GRID1: variants seen among roughly 807,000 people sequenced by gnomAD.
GRID1 encodes glutamate ionotropic receptor delta type subunit 1.
A neutral mutation model predicts 98.0 loss-of-function variants in GRID1; 28 were observed. The observed-to-expected ratio is 0.29, with a 90% CI of 0.21 to 0.39. The LOEUF (loss-of-function observed/expected upper bound fraction) is 0.39. GRID1 is among the 10% of genes least tolerant of loss of function. GRID1 has a pLI of 1.00. For missense variants in GRID1, 1,111 were observed against 1,340.5 expected (o/e 0.83, Z 2.67); for synonymous variants, 553 against 538.5 (o/e 1.03, Z -0.37).
intron 4 of GRID1, among the ~76,000 whole-genome samples, chr10:86,034,649 C>T (rs766556293): frequency 1.3e-5 from 2 of 151,712 alleles, no homozygotes; most frequent in Non-Finnish European, 2.9e-5. Context: ...CCCTGGGCTC[C>T]CCTGGCATCT....
In GRID1 at chr10:85,602,314, G is replaced by A. The variant is rs1842590266; in HGVS notation, c.2989C>T (p.Leu997Phe). The A allele has an allele frequency of 6.5e-7, 1 of 1,546,592 alleles. No individual in the cohort carries two copies. The highest frequency in any genetic ancestry group is 1.4e-5 in the African/African-American group (1 of 73,088). Residue 997 changes from leucine to phenylalanine, a missense_variant, in exon 16 of 16, where the codon CTT becomes TTT. By Grantham distance (22) the Leu-to-Phe change is conservative (BLOSUM62 0). Around this residue, in one of 3 missense-constraint regions of GRID1, gnomAD observed 762 missense variants for 869.1 expected, o/e 0.88. Transcript: ENST00000327946. Reference protein sequence around the residue: ...MSFQPVPGGVLPEALDTSHGT... With the variant: ...MSFQPVPGGVFPEALDTSHGT... ...TGGGAGGTGTCCAGAGCCTCTGGAA[G>A]GACGCCTCCAGGCACGGGCTGGAAG...
chr10:86,041,730 A>T (rs1277658503), intron 4 of GRID1, among the ~76,000 whole-genome samples: 1 of 152,230 alleles, frequency 6.6e-6, no homozygotes, highest in Non-Finnish European at 1.5e-5. Context: ...GTGAGACAGA[A>T]CACTAACATC....
intron 8 of GRID1, among the ~76,000 whole-genome samples, chr10:85,830,366 C>T (rs1842857065): frequency 6.6e-6 from 1 of 151,948 alleles, no homozygotes; most frequent in African/African-American, 2.4e-5. Context: ...TGGAAAACAA[C>T]CTAGGAAATA....
intron 3 of GRID1, among the ~76,000 whole-genome samples, chr10:86,173,451 A>AT (rs536427725): frequency 1.3e-5 from 2 of 151,678 alleles, no homozygotes; most frequent in Middle Eastern, 3.4e-3. Flanking sequence ...GGTCACACAC[A>AT]TTTTTTTTTA....
Position 85,724,539 on chromosome 10 carries a change from G to T in GRID1, c.1671C>A (p.Leu557=), listed in dbSNP as rs747594932. ...KPEEKISIFS[L]FAPFDFAVWA... ...ACACAGCGAAATCAAATGGAGCAAAGAGGGAGAAGATGCTGATTTTCTCCT... is the reference window on the plus strand; with the variant it reads ...ACACAGCGAAATCAAATGGAGCAAATAGGGAGAAGATGCTGATTTTCTCCT... Residue 557 remains leucine (L), a synonymous_variant, in exon 11 of 16, where the codon CTC becomes CTA. Coordinates refer to ENST00000327946, the MANE Select transcript of GRID1 (RefSeq NM_017551.3). 1 of 1,613,886 alleles carries T rather than the reference G, an allele frequency of 6.2e-7. No homozygotes were observed. The highest frequency in any genetic ancestry group is 8.5e-7 in the Non-Finnish European group (1 of 1,180,014).
intron 5 of GRID1, among the ~76,000 whole-genome samples, chr10:85,880,046 C>T (rs542252454): frequency 6.6e-5 from 10 of 152,334 alleles, no homozygotes; most frequent in Non-Finnish European, 1.2e-4. Context: ...TTCCTCAACA[C>T]ATACACCCTT....
Position 85,599,802 on chromosome 10 carries a change from A to AAATATATATATATATATATATATATAT in GRID1, c.*2470_*2471insATATATATATATATATATATATATATT. 1.5e-5 allele frequency: 1 copy of AAATATATATATATATATATATATATAT among 64,986 alleles called. No individual in the cohort carries two copies. Among genetic ancestry groups the AAATATATATATATATATATATATATAT allele is most frequent in the African/African-American group, 9.3e-5 (1 of 10,734 alleles). 4.0% of individuals were successfully genotyped at this position (64,986 alleles called of 1,614,324 possible). On this transcript the variant is annotated 3_prime_UTR_variant, in exon 16 of 16. Transcript: ENST00000327946. ...GTAGAAAATTCTAAAAAAAAAAAAAAATATATATATATATATATAAACATG... is the reference window on the plus strand; with the variant it reads ...GTAGAAAATTCTAAAAAAAAAAAAAAAATATATATATATATATATATATATATATATATATATATATATATAAACATG...
intron 8 of GRID1, among the ~76,000 whole-genome samples, chr10:85,841,170 C>A (rs1195446024): frequency 1.3e-5 from 2 of 151,882 alleles, no homozygotes; most frequent in African/African-American, 4.8e-5. Context: ...AAAAGAAAAC[C>A]CACAAATAAG....
At chr10:86,278,215 T>C (rs191331119) in intron 2 of GRID1, among the ~76,000 whole-genome samples, 191 of 152,252 alleles carry the variant, frequency 1.3e-3, no homozygotes, top group African/African-American at 4.2e-3. Flanking sequence ...TGGAAAAAGA[T>C]ATTCCAGACA....
At chr10:85,935,851 C>G (rs1841918636) in intron 4 of GRID1, among the ~76,000 whole-genome samples, 1 of 152,312 alleles carries the variant, frequency 6.6e-6, no homozygotes, top group Admixed American at 6.5e-5. Context: ...TTCAACCTGG[C>G]AATCTGGTGC....
At chr10:85,869,307 G>C (rs1843253922) in intron 5 of GRID1, 127 bp from the exon 6 acceptor site, 1 of 739,770 alleles carries the variant, frequency 1.4e-6, no homozygotes, top group Non-Finnish European at 2.4e-6. Flanking sequence ...ATTGGGCCCA[G>C]GTCACACAGT....
intron 3 of GRID1, among the ~76,000 whole-genome samples, chr10:86,191,849 TC>T (rs1215851693): frequency 6.6e-6 from 1 of 152,030 alleles, no homozygotes; most frequent in African/African-American, 2.4e-5. Flanking sequence ...TCATGTTAAA[TC>T]CCCTCCTCTG....
At chr10:86,128,565 G>A (rs910342036) in intron 4 of GRID1, among the ~76,000 whole-genome samples, 1 of 152,106 alleles carries the variant, frequency 6.6e-6, no homozygotes, top group Admixed American at 6.5e-5. Flanking sequence ...GAGAGGGAGA[G>A]GCCATACCAC....
At chr10:85,912,181 C>T (rs1357224370) in intron 5 of GRID1, among the ~76,000 whole-genome samples, 1 of 152,232 alleles carries the variant, frequency 6.6e-6, no homozygotes, top group Admixed American at 6.5e-5. Context: ...CAGTGGCCAC[C>T]TTGACTAATG....
chr10:85,853,863 C>G (rs1304762814), intron 8 of GRID1, among the ~76,000 whole-genome samples: 2 of 152,238 alleles, frequency 1.3e-5, no homozygotes, highest in Admixed American at 6.5e-5. Flanking sequence ...ATCCACAGTC[C>G]TGAAAACTGT....
chr10:85,714,390 C>A (rs572705801), intron 12 of GRID1, among the ~76,000 whole-genome samples: 8 of 151,854 alleles, frequency 5.3e-5, no homozygotes, highest in South Asian at 2.1e-4. Context: ...TGTACATGTA[C>A]CCCGAACCTA....
intron 8 of GRID1, among the ~76,000 whole-genome samples, chr10:85,774,401 G>C (rs1046384528): frequency 1.4e-4 from 22 of 152,264 alleles, no homozygotes; most frequent in African/African-American, 5.3e-4. Flanking sequence ...TTACCATTCA[G>C]GACATAGGCA....
At chr10:86,012,539 C>A (rs1842933270) in intron 4 of GRID1, among the ~76,000 whole-genome samples, 2 of 152,312 alleles carry the variant, frequency 1.3e-5, no homozygotes, top group African/African-American at 2.4e-5. Flanking sequence ...TACTTCTTAG[C>A]TTTCCCTAAA....
At chr10:86,106,164 G>A (rs982990103) in intron 4 of GRID1, among the ~76,000 whole-genome samples, 1 of 152,038 alleles carries the variant, frequency 6.6e-6, no homozygotes, top group East Asian at 1.9e-4. Flanking sequence ...TAATCCAAAT[G>A]AGAAAAATCA....
Sources: allele counts gnomAD v4.1 joint callset (sites outside exome capture counted in the v4.1 genomes callset), GRCh38; gene constraint gnomAD v4.1.1; regional missense constraint gnomAD v4.1.1; transcripts MANE v1.5; gene names NCBI Gene and HGNC (gene_info 2026-07-23, HGNC 2026-07-21).